EFEMP1: variants seen among roughly 807,000 people sequenced by gnomAD.
The protein encoded by EFEMP1 is EGF-like fibulin extracellular matrix protein 1, also known as EGF-containing fibulin-like extracellular matrix protein 1.
Under a neutral mutation model 65.7 loss-of-function variants are expected in EFEMP1, and 18 were observed. That is an observed-to-expected ratio of 0.27 (90% confidence interval 0.19 to 0.41). EFEMP1 has a LOEUF of 0.41. EFEMP1 is among the 10% of genes least tolerant of loss of function. The pLI is 1.00. For missense variants in EFEMP1, 469 were observed against 624.8 expected (o/e 0.75, Z 2.66); for synonymous variants, 237 against 219.7 (o/e 1.08, Z -0.70).
At chr2:55,881,199 G>A (rs1444510883) in intron 6 of EFEMP1, among the ~76,000 whole-genome samples, 1 of 152,180 alleles carries the variant, frequency 6.6e-6, no homozygotes, top group Non-Finnish European at 1.5e-5. Context: ...GTCTCAAAGC[G>A]AGCTGGGGTT....
chr2:55,900,538 T>G (rs563869330), intron 5 of EFEMP1, among the ~76,000 whole-genome samples: 5 of 152,212 alleles, frequency 3.3e-5, no homozygotes, highest in African/African-American at 4.8e-5. Context: ...CATACAGAGC[T>G]GTATTATGCA....
chr2:55,913,085 G>T (rs1670542132), intron 5 of EFEMP1, among the ~76,000 whole-genome samples: 1 of 152,168 alleles, frequency 6.6e-6, no homozygotes, highest in Admixed American at 6.5e-5. Flanking sequence ...AAAACAAATT[G>T]TAAAAATAGT....
chr2:55,915,758 C>T (rs1670653339), intron 5 of EFEMP1, among the ~76,000 whole-genome samples: 1 of 152,070 alleles, frequency 6.6e-6, no homozygotes, highest in South Asian at 2.1e-4. Context: ...CCAAACTTTC[C>T]AGTCTAGTTA....
chr2:55,870,954 G>A lies in EFEMP1; in HGVS notation c.1125-39C>T. 1 of 1,613,726 alleles carries A rather than the reference G, an allele frequency of 6.2e-7. No homozygotes were observed. Among genetic ancestry groups the A allele is most frequent in the South Asian group, 1.1e-5 (1 of 91,078 alleles). On this transcript the variant is annotated intron_variant, in intron 10 of 11. Coordinates refer to ENST00000355426, the MANE Select transcript of EFEMP1 (RefSeq NM_001039348.3). The surrounding 1 kb of genome is among the most constrained non-coding windows in gnomAD (Gnocchi z 5.8). ...CAAAAGTATTCAGCAGTTTGGCTTG[G>A]TAAGACCAGAAAATCCTCACTTTCA...
rs142301622 is a variant in EFEMP1 at position 55,891,549 on chromosome 2, T to C, written c.518-9815A>G. 4.6e-3 allele frequency among the ~76,000 whole-genome samples: 701 copies of C among 152,232 alleles called. 4 individuals are homozygous for C. Among genetic ancestry groups the C allele is most frequent in the Non-Finnish European group, 6.4e-3 (433 of 67,926 alleles). ...ATACTTTCTCTCATTTGACACATGGTGCACATACGTATAGCTTTGTATAGC... is the reference window on the plus strand; with the variant it reads ...ATACTTTCTCTCATTTGACACATGGCGCACATACGTATAGCTTTGTATAGC... On this transcript the variant is annotated intron_variant, in intron 5 of 11. Coordinates refer to ENST00000355426, the MANE Select transcript of EFEMP1 (RefSeq NM_001039348.3).
In EFEMP1 at chr2:55,919,897, C is replaced by T. The variant is rs1670855851; in HGVS notation, c.82-1630G>A. ...CTTCCATCTCTGCTGACTTTGTGTCCATTTCTACCATGTCTACTAAGAAAG... is the reference window on the plus strand; with the variant it reads ...CTTCCATCTCTGCTGACTTTGTGTCTATTTCTACCATGTCTACTAAGAAAG... On this transcript the variant is annotated intron_variant, in intron 3 of 11. Transcript: ENST00000355426. This position sits in a 1 kb window ranked among gnomAD's most constrained non-coding sequence, Gnocchi z 4.5. Among the ~76,000 whole-genome samples the T allele has an allele frequency of 6.6e-6, 1 of 152,176 alleles. No individual in the cohort carries two copies. The highest frequency in any genetic ancestry group is 2.4e-5 in the African/African-American group (1 of 41,454).
rs746685394 is a variant in EFEMP1, at chr2:55,918,192, A to C, written c.130+27T>G. On this transcript the variant is annotated intron_variant, in intron 4 of 11. Coordinates refer to ENST00000355426, the MANE Select transcript of EFEMP1 (RefSeq NM_001039348.3). ...GAGATGGAGACAGAAGGCAATGATC[A>C]CATGGAAGTCTTTGAAGCTGGCTCA... 13 of 1,614,028 alleles carry C rather than the reference A, an allele frequency of 8.1e-6. 1 individual carries two copies. In the South Asian group the frequency reaches 1.4e-4, roughly 18 times the overall value.
intron 5 of EFEMP1, among the ~76,000 whole-genome samples, chr2:55,910,371 C>A (rs947013189): frequency 6.6e-6 from 1 of 152,268 alleles, no homozygotes; most frequent in South Asian, 2.1e-4. Flanking sequence ...GAAAAAGCAA[C>A]ATGCTAATGA....
intron 5 of EFEMP1, among the ~76,000 whole-genome samples, chr2:55,902,306 T>C (rs1670067504): frequency 6.7e-6 from 1 of 149,556 alleles, no homozygotes; most frequent in Non-Finnish European, 1.5e-5. Flanking sequence ...CTGAAAGAAA[T>C]TCCAAAAGGT....
intron 8 of EFEMP1, 104 bp downstream of exon 8, chr2:55,876,519 C>T: frequency 2.0e-6 from 3 of 1,508,342 alleles, no homozygotes; most frequent in African/African-American, 1.4e-5. Context: ...GAACAGAATT[C>T]CCATGGGTAA....
At chr2:55,910,004 T>C (rs1354025547) in intron 5 of EFEMP1, among the ~76,000 whole-genome samples, 1 of 152,198 alleles carries the variant, frequency 6.6e-6, no homozygotes, top group Non-Finnish European at 1.5e-5. Context: ...CTTGCAATAC[T>C]GCCTAGTTAC....
chr2:55,876,221 T>C (rs1376379981), intron 8 of EFEMP1, among the ~76,000 whole-genome samples: 4 of 152,100 alleles, frequency 2.6e-5, no homozygotes, highest in African/African-American at 9.7e-5. Flanking sequence ...TTGGCTATTC[T>C]GAAACTTAAA....
At chr2:55,897,443 C>A (rs1324930252) in intron 5 of EFEMP1, among the ~76,000 whole-genome samples, 4 of 152,114 alleles carry the variant, frequency 2.6e-5, no homozygotes, top group Non-Finnish European at 4.4e-5. Flanking sequence ...CAGACCCCCA[C>A]CATTGAGAAG....
intron 5 of EFEMP1, 94 bp from the exon 6 acceptor site, chr2:55,881,828 A>T (rs1572800372): frequency 1.4e-6 from 2 of 1,459,792 alleles, no homozygotes; most frequent in East Asian, 4.5e-5. Context: ...TTTTTACTTT[A>T]TTCTTAAAAG....
intron 8 of EFEMP1, 99 bp downstream of exon 8, chr2:55,876,523 TG>T (rs1436948080): frequency 1.3e-5 from 19 of 1,517,230 alleles, no homozygotes; most frequent in Non-Finnish European, 1.6e-5. Context: ...AGAATTCCCA[TG>T]GGTAAGCGTT....
In EFEMP1 at chr2:55,912,055, A is replaced by C. The variant is rs1172831967; in HGVS notation, c.517+5610T>G. On this transcript the variant is annotated intron_variant, in intron 5 of 11. Coordinates refer to ENST00000355426, the MANE Select transcript of EFEMP1 (RefSeq NM_001039348.3). ...CAACTCTTATCCATTTATATAACTT[A>C]AGAGAATTTTCAGGTACTTGAGATA... Among the ~76,000 whole-genome samples, 3 of 152,172 alleles carry C rather than the reference A, an allele frequency of 2.0e-5. No individual in the cohort carries two copies. The East Asian group carries it at 5.8e-4, about 29-fold the overall frequency.
intron 6 of EFEMP1, among the ~76,000 whole-genome samples, chr2:55,881,340 T>A (rs531227863): frequency 2.0e-5 from 3 of 152,298 alleles, no homozygotes; most frequent in African/African-American, 7.2e-5. Flanking sequence ...CAAATTTAAA[T>A]TTTTTTGTGG....
chr2:55,884,967 T>C (rs1459948945), intron 5 of EFEMP1, among the ~76,000 whole-genome samples: 4 of 152,178 alleles, frequency 2.6e-5, no homozygotes, highest in African/African-American at 9.6e-5. Context: ...TTGCTGAGAA[T>C]TGGTACCTAA....
chr2:55,868,630 C>A (rs967961246), intron 11 of EFEMP1, among the ~76,000 whole-genome samples: 2 of 152,036 alleles, frequency 1.3e-5, no homozygotes, highest in African/African-American at 4.8e-5. Context: ...ATCAAGAAAC[C>A]TTCTTTGACA....
Sources: gnomAD v4.1 joint callset for allele counts (sites outside exome capture counted in the v4.1 genomes callset) on GRCh38, gnomAD v4.1.1 for gene constraint, Gnocchi (gnomAD v3.1) non-coding constraint, MANE v1.5 for transcripts, NCBI Gene and HGNC (gene_info 2026-07-23, HGNC 2026-07-21) for gene names.